Variants in BEND7 observed in about 807,000 individuals in gnomAD.
The protein encoded by BEND7 is BEN domain containing 7.
Under a neutral mutation model 50.9 loss-of-function variants are expected in BEND7, and 28 were observed. The ratio of observed to expected loss-of-function variants is 0.55; its 90% CI spans 0.41 to 0.75. BEND7 has a LOEUF of 0.75. Ranked by LOEUF, BEND7 falls within the 30% of genes least tolerant of loss-of-function variation. BEND7 has a pLI of 0.00. For synonymous variants in BEND7, 170 were observed against 183.9 expected (o/e 0.92, Z 0.61); for missense variants, 477 against 491.3 (o/e 0.97, Z 0.28).
intron 6 of BEND7, among the ~76,000 whole-genome samples, chr10:13,461,719 C>T (rs1033283210): frequency 7.7e-5 from 11 of 141,940 alleles, no homozygotes; most frequent in African/African-American, 1.8e-4. Context: ...GGAGACAGAG[C>T]GAGACTCCAT....
At chr10:13,439,306 G>C, downstream of BEND7, 3 of 1,614,142 alleles carry the variant, frequency 1.9e-6, no homozygotes, top group Non-Finnish European at 2.5e-6. Flanking sequence ...TTGAAGTCTT[G>C]GCTGGTTTGG....
chr10:13,506,226 T>A (rs1396638009), intron 2 of BEND7, among the ~76,000 whole-genome samples: 1 of 152,146 alleles, frequency 6.6e-6, no homozygotes, highest in East Asian at 1.9e-4. Flanking sequence ...ACGCTCTGCT[T>A]CCTTGCTAGA....
chr10:13,443,724 GC>G (rs1156602707), intron 8 of BEND7: 2 of 152,172 alleles, frequency 1.3e-5, no homozygotes, highest in Non-Finnish European at 2.9e-5. Context: ...AGAATATTAT[GC>G]AGCTATTAAA....
At chr10:13,494,443 A>G (rs2132060472) in intron 4 of BEND7, among the ~76,000 whole-genome samples, 1 of 152,280 alleles carries the variant, frequency 6.6e-6, no homozygotes, top group East Asian at 1.9e-4. Flanking sequence ...AAACAAACAA[A>G]AAAACTGAAA....
intron 2 of BEND7, among the ~76,000 whole-genome samples, chr10:13,502,585 A>G (rs4748041): frequency 0.19 from 29,398 of 152,108 alleles, 2,990 homozygotes; most frequent in African/African-American, 0.24. Context: ...AGAGGTCCCA[A>G]AGGAATCCTG....
intron 7 of BEND7, among the ~76,000 whole-genome samples, chr10:13,447,705 G>A (rs1420039678): frequency 2.0e-5 from 3 of 151,968 alleles, no homozygotes; most frequent in Admixed American, 1.3e-4. Flanking sequence ...CACCACGCCT[G>A]GCTAATTTTT....
At chr10:13,438,565 CG>C (rs1438755796), downstream of BEND7, 3 of 152,130 alleles carry the variant, frequency 2.0e-5, no homozygotes, top group Non-Finnish European at 4.4e-5. Context: ...ATATTACTTT[CG>C]GGGGGATAAT....
intron 2 of BEND7, among the ~76,000 whole-genome samples, chr10:13,519,570 C>A (rs2078945152): frequency 6.6e-6 from 1 of 152,076 alleles, no homozygotes; most frequent in Non-Finnish European, 1.5e-5. Context: ...CAGTGTTTTC[C>A]AGTTTGAAAA....
intron 2 of BEND7, among the ~76,000 whole-genome samples, chr10:13,506,735 G>A (rs2077922396): frequency 6.6e-6 from 1 of 151,812 alleles, no homozygotes; most frequent in Admixed American, 6.6e-5. Context: ...CAGTCTACCA[G>A]GATTTTCAGG....
chr10:13,477,710 TACA>T (rs1458516245), intron 6 of BEND7, among the ~76,000 whole-genome samples: 1 of 152,230 alleles, frequency 6.6e-6, no homozygotes, highest in African/African-American at 2.4e-5. Context: ...GTTAAAAATT[TACA>T]ACAATGTTTT....
chr10:13,481,109 C>T lies in BEND7; in HGVS notation c.853G>A (p.Ala285Thr). The T allele has an allele frequency of 1.2e-6, 2 of 1,613,812 alleles. No homozygotes were observed. Among genetic ancestry groups the T allele is most frequent in the South Asian group, 1.1e-5 (1 of 90,994 alleles). The change falls in exon 6 of 9, where the codon GCT becomes ACT. Residue 285 changes from alanine (A) to threonine (T), a missense_variant. This residue lies in a region of BEND7 where 396 missense variants were observed against 384.2 expected (regional missense o/e 1.03). Transcript: ENST00000466271. ...SPSSDPEVQLAEGFDVFMPKS... is the reference protein window; with the variant it reads ...SPSSDPEVQLTEGFDVFMPKS... ...GGCATAAACACGTCAAAGCCTTCAG[C>T]AAGTTGTACTTCTGGCTACCAAAAG... is the stretch of plus-strand genomic sequence containing the variant.
intron 2 of BEND7, 38 bp downstream of exon 2, chr10:13,526,100 G>T (rs777468604): frequency 1.3e-5 from 14 of 1,107,150 alleles, no homozygotes; most frequent in Non-Finnish European, 1.4e-5. Flanking sequence ...AAATGGTCAC[G>T]ATGTTTTGCT....
At chr10:13,455,126 C>T (rs148747225) in intron 6 of BEND7, among the ~76,000 whole-genome samples, 101 of 151,788 alleles carry the variant, frequency 6.7e-4, no homozygotes, top group African/African-American at 2.4e-3. Flanking sequence ...GAGCCGAGAA[C>T]GCACCACTGC....
In BEND7 at chr10:13,492,730, T is replaced by C. The variant is rs2076753334; in HGVS notation, c.718A>G (p.Met240Val). The part of the protein sequence containing the change: ...TVKQKPSGSE[M>V]EKKSVVASEL... ...GAGGCCACCACCGACTTTTTCTCCATCTCTGACCCACTGGGCTTCTGTTTC... is the reference window on the plus strand; with the variant it reads ...GAGGCCACCACCGACTTTTTCTCCACCTCTGACCCACTGGGCTTCTGTTTC... The change falls in exon 5 of 9, where the codon ATG (methionine) becomes GTG (valine). Residue 240 changes from methionine to valine, a missense_variant. Met to Val is a conservative substitution (Grantham distance 21). Around this residue, in one of 3 missense-constraint regions of BEND7, gnomAD observed 396 missense variants for 384.2 expected, o/e 1.03. Transcript: ENST00000466271. 6.2e-7 allele frequency: 1 copy of C among 1,614,158 alleles called. No individual in the cohort carries two copies. The highest frequency in any genetic ancestry group is 8.5e-7 in the Non-Finnish European group (1 of 1,180,014).
chr10:13,516,309 T>C (rs1263081998), intron 2 of BEND7, among the ~76,000 whole-genome samples: 1 of 152,204 alleles, frequency 6.6e-6, no homozygotes, highest in East Asian at 1.9e-4. Flanking sequence ...CCAGGGGTGC[T>C]GTCCCTTGTG....
Position 13,514,973 on chromosome 10 carries a change from T to G in BEND7, c.145+11165A>C, listed in dbSNP as rs150946500. 5.1e-3 allele frequency among the ~76,000 whole-genome samples: 773 copies of G among 152,334 alleles called. 1 individual carries two copies. The highest frequency in any genetic ancestry group is 0.034 in the Middle Eastern group (10 of 294). On this transcript the variant is annotated intron_variant, in intron 2 of 8. Coordinates refer to ENST00000466271, the MANE Select transcript of BEND7 (RefSeq NM_001369863.1). ...CAAGCAACTTCATAGTCTATTCTATTGCATCAACTTTTTCTATAAAAATAA... is the reference window on the plus strand; with the variant it reads ...CAAGCAACTTCATAGTCTATTCTATGGCATCAACTTTTTCTATAAAAATAA...
intron 2 of BEND7, among the ~76,000 whole-genome samples, chr10:13,515,971 C>T (rs898639842): frequency 2.6e-5 from 4 of 152,174 alleles, no homozygotes; most frequent in African/African-American, 4.8e-5. Context: ...AGACCTCATG[C>T]GCCGCATGGG....
At position 13,470,304 on chromosome 10, in the gene BEND7, T is replaced by C. The variant is rs868621009; in HGVS notation, c.1063+10595A>G. Among the ~76,000 whole-genome samples the C allele has an allele frequency of 2.6e-5, 4 of 152,212 alleles. 1 individual carries two copies. Among genetic ancestry groups the C allele is most frequent in the Middle Eastern group, 3.2e-3 (1 of 316 alleles). ...TGCAGGGAAACTGTCACAATAAATA[T>C]ACAAATCGACAGTGTCCACAACGGC... On this transcript the variant is annotated intron_variant, in intron 6 of 8. Coordinates refer to ENST00000466271, the MANE Select transcript of BEND7 (RefSeq NM_001369863.1).
At chr10:13,456,311 G>A (rs1454053549) in intron 6 of BEND7, among the ~76,000 whole-genome samples, 1 of 152,198 alleles carries the variant, frequency 6.6e-6, no homozygotes, top group Non-Finnish European at 1.5e-5. Flanking sequence ...AACCGCGTGT[G>A]AGGATGCTCA....
Sources: gnomAD v4.1 joint callset for allele counts (sites outside exome capture counted in the v4.1 genomes callset) on GRCh38, gnomAD v4.1.1 for gene constraint, gnomAD v4.1.1 regional missense constraint, MANE v1.5 for transcripts, NCBI Gene and HGNC (gene_info 2026-07-23, HGNC 2026-07-21) for gene names.